NDUFS4: variants seen among roughly 807,000 people sequenced by gnomAD.
The protein encoded by NDUFS4 is NADH:ubiquinone oxidoreductase subunit S4, also known as NADH dehydrogenase [ubiquinone] iron-sulfur protein 4, mitochondrial.
Under a neutral mutation model 24.3 loss-of-function variants are expected in NDUFS4, and 28 were observed. The ratio of observed to expected loss-of-function variants is 1.15; its 90% CI spans 0.85 to 1.58. The LOEUF (loss-of-function observed/expected upper bound fraction) is 1.58. Among genes scored for constraint, NDUFS4 ranks in the 40% most tolerant of loss-of-function variants. NDUFS4 has a pLI of 0.00. For missense variants in NDUFS4, 223 were observed against 207.9 expected, an observed-to-expected ratio of 1.07 and a Z score of -0.45; for synonymous variants, 93 against 69.7, an observed-to-expected ratio of 1.34 and a Z score of -1.67.
At chr5:53,604,382 A>T (rs1750432383) in intron 2 of NDUFS4, among the ~76,000 whole-genome samples, 1 of 152,264 alleles carries the variant, frequency 6.6e-6, no homozygotes, top group Non-Finnish European at 1.5e-5. Flanking sequence ...AGACAAATAA[A>T]TGTATAAGTA....
At chr5:53,617,635 A>G (rs924975830) in intron 2 of NDUFS4, among the ~76,000 whole-genome samples, 2 of 152,174 alleles carry the variant, frequency 1.3e-5, no homozygotes, top group Non-Finnish European at 2.9e-5. Context: ...ACTAAGGAGC[A>G]ACATCAAAAC....
At chr5:53,666,867 G>A (rs1339801664) in intron 4 of NDUFS4, among the ~76,000 whole-genome samples, 1 of 152,156 alleles carries the variant, frequency 6.6e-6, no homozygotes, top group Non-Finnish European at 1.5e-5. Context: ...TCACAAGGTG[G>A]AGGTTGCAGT....
chr5:53,608,671 A>T (rs1375553659), intron 2 of NDUFS4, among the ~76,000 whole-genome samples: 1 of 152,150 alleles, frequency 6.6e-6, no homozygotes, highest in Non-Finnish European at 1.5e-5. Context: ...CAATTTAATC[A>T]CTTGTTTAGG....
chr5:53,659,395 A>G (rs891975652), intron 4 of NDUFS4, among the ~76,000 whole-genome samples: 1 of 152,184 alleles, frequency 6.6e-6, no homozygotes, highest in Non-Finnish European at 1.5e-5. Flanking sequence ...TAATTTCATA[A>G]TGGACTTAAT....
chr5:53,618,198 T>C (rs1357502762), intron 2 of NDUFS4, among the ~76,000 whole-genome samples: 1 of 152,124 alleles, frequency 6.6e-6, no homozygotes, highest in Non-Finnish European at 1.5e-5. Flanking sequence ...CTATTAATAC[T>C]CAGGAGATTG....
chr5:53,601,972 G>A (rs1422901989), intron 1 of NDUFS4, among the ~76,000 whole-genome samples: 1 of 152,142 alleles, frequency 6.6e-6, no homozygotes, highest in African/African-American at 2.4e-5. Flanking sequence ...AGGTGTGTAT[G>A]TATTAGAAAA....
intron 3 of NDUFS4, among the ~76,000 whole-genome samples, chr5:53,653,905 T>A (rs1752089747): frequency 6.6e-6 from 1 of 152,156 alleles, no homozygotes; most frequent in South Asian, 2.1e-4. Context: ...TAAAGTTGAT[T>A]TTGCATATAA....
At chr5:53,566,174 A>AG (rs1749019240) in intron 1 of NDUFS4, among the ~76,000 whole-genome samples, 1 of 152,222 alleles carries the variant, frequency 6.6e-6, no homozygotes, top group Non-Finnish European at 1.5e-5. Flanking sequence ...CTCCAAAAAA[A>AG]AGTTAATAAT....
At position 53,636,859 on chromosome 5, in the gene NDUFS4, C is replaced by T. The variant is rs188502364; in HGVS notation, c.178-9374C>T. 3.1e-4 allele frequency among the ~76,000 whole-genome samples: 47 copies of T among 152,266 alleles called. No homozygotes were observed. In the East Asian group the frequency reaches 4.4e-3, roughly 14 times the overall value. On this transcript the variant is annotated intron_variant, in intron 2 of 4. Coordinates refer to ENST00000296684, the MANE Select transcript of NDUFS4 (RefSeq NM_002495.4). ...GCCCCCTTCTCTCTTCCTTCAGCCA[C>T]GTGAAGATGCCTGCTCTGGCTTTGC...
At chr5:53,639,133 C>G (rs1432708617) in intron 2 of NDUFS4, among the ~76,000 whole-genome samples, 1 of 151,892 alleles carries the variant, frequency 6.6e-6, no homozygotes, top group African/African-American at 2.4e-5. Context: ...TAGAACTTCT[C>G]TTACCAAAAA....
intron 4 of NDUFS4, among the ~76,000 whole-genome samples, chr5:53,681,575 A>G (rs920738388): frequency 1.2e-4 from 18 of 152,172 alleles, no homozygotes; most frequent in African/African-American, 3.4e-4. Context: ...AAAGTAAGCT[A>G]TAGCTTTGTA....
intron 4 of NDUFS4, among the ~76,000 whole-genome samples, chr5:53,661,527 A>G (rs572785138): frequency 9.9e-5 from 15 of 152,208 alleles, no homozygotes; most frequent in Admixed American, 3.9e-4. Context: ...GTTTTTTCCA[A>G]TTCTTTGAAG....
intron 2 of NDUFS4, 133 bp downstream of exon 2, chr5:53,603,663 TAAG>T: frequency 1.5e-6 from 1 of 681,178 alleles, no homozygotes; most frequent in Non-Finnish European, 2.6e-6. Context: ...ACCTAAATTT[TAAG>T]AAGAAATATT....
intron 3 of NDUFS4, among the ~76,000 whole-genome samples, chr5:53,657,904 G>A (rs193224177): frequency 3.4e-5 from 5 of 145,964 alleles, no homozygotes; most frequent in Admixed American, 2.1e-4. Flanking sequence ...CAGCCTGGGC[G>A]ACAGAGTGAG....
At chr5:53,665,792 G>A (rs940870746) in intron 4 of NDUFS4, among the ~76,000 whole-genome samples, 13 of 152,204 alleles carry the variant, frequency 8.5e-5, no homozygotes, top group South Asian at 2.1e-4. Flanking sequence ...GCGATGCCTC[G>A]CCCTGCTTGG....
chr5:53,658,666 T>C, intron 4 of NDUFS4, 42 bp downstream of exon 4: 1 of 1,539,176 alleles, frequency 6.5e-7, no homozygotes, highest in Non-Finnish European at 9.0e-7. Context: ...ATAATGATTT[T>C]ATGTTCTTAA....
At chr5:53,673,804 C>T (rs1287253352) in intron 4 of NDUFS4, among the ~76,000 whole-genome samples, 1 of 152,078 alleles carries the variant, frequency 6.6e-6, no homozygotes, top group Non-Finnish European at 1.5e-5. Context: ...AATGGTTACA[C>T]GTCAGCATTT....
At chr5:53,681,859 A>ATACTT (rs1383225285) in intron 4 of NDUFS4, among the ~76,000 whole-genome samples, 1 of 152,140 alleles carries the variant, frequency 6.6e-6, no homozygotes, top group Non-Finnish European at 1.5e-5. Context: ...TAGTAGTAGT[A>ATACTT]TACTTTGATG....
chr5:53,575,430 T>TATTTTTAA (rs1749351272), intron 1 of NDUFS4, among the ~76,000 whole-genome samples: 1 of 152,012 alleles, frequency 6.6e-6, no homozygotes, highest in Non-Finnish European at 1.5e-5. Context: ...TAGGATGGAT[T>TATTTTTAA]ATTTTTAAAG....
Sources: allele counts gnomAD v4.1 joint callset (sites outside exome capture counted in the v4.1 genomes callset), GRCh38; gene constraint gnomAD v4.1.1; transcripts MANE v1.5; gene names NCBI Gene and HGNC (gene_info 2026-07-23, HGNC 2026-07-21).